ARHGAP24: variants seen among roughly 807,000 people sequenced by gnomAD.
ARHGAP24 encodes the protein Rho GTPase activating protein 24.
In ARHGAP24, 50 loss-of-function variants were observed where a neutral mutation model predicts 76.4. That is an observed-to-expected ratio of 0.65 (90% CI 0.52 to 0.83). The LOEUF (loss-of-function observed/expected upper bound fraction) is 0.83. Ranked by LOEUF, ARHGAP24 falls within the 40% of genes least tolerant of loss-of-function variation. ARHGAP24 has a pLI of 0.00. For missense variants in ARHGAP24, 930 were observed against 914.2 expected (o/e 1.02, Z -0.22); for synonymous variants, 345 against 323.3 (o/e 1.07, Z -0.72).
intron 1 of ARHGAP24, among the ~76,000 whole-genome samples, chr4:85,500,049 A>T (rs1000331451): frequency 3.3e-5 from 5 of 152,208 alleles, no homozygotes; most frequent in African/African-American, 1.2e-4. Flanking sequence ...TGTAAAATAC[A>T]CACTAGATTT....
At chr4:85,733,284 C>T (rs1385514960) in intron 3 of ARHGAP24, among the ~76,000 whole-genome samples, 4 of 147,146 alleles carry the variant, frequency 2.7e-5, no homozygotes, top group Admixed American at 6.8e-5. Context: ...AGGATGGTCT[C>T]GATCTCCTGA....
chr4:85,596,102 T>C (rs1435238422), intron 2 of ARHGAP24, among the ~76,000 whole-genome samples: 1 of 151,804 alleles, frequency 6.6e-6, no homozygotes, highest in Non-Finnish European at 1.5e-5. Context: ...TCTAGTATTG[T>C]TACTGGTAAC....
chr4:85,481,632 C>T (rs748455118), intron 1 of ARHGAP24, among the ~76,000 whole-genome samples: 1 of 152,206 alleles, frequency 6.6e-6, no homozygotes, highest in South Asian at 2.1e-4. Context: ...GAGAAGTGAA[C>T]AGGAAAGGTG....
chr4:85,923,968 C>T lies in ARHGAP24; in HGVS notation c.391+198C>T, dbSNP rs191397268. Among the ~76,000 whole-genome samples the T allele has an allele frequency of 5.9e-5, 9 of 151,948 alleles. No homozygotes were observed. In the South Asian group the frequency reaches 1.5e-3, roughly 25 times the overall value. On this transcript the variant is annotated intron_variant, in intron 4 of 9. Transcript: ENST00000395184. Reference sequence around the variant, plus strand: ...TAATTTAGATCATGTATAATTATAACGAACCTTCTTCTGTGAATATGTTGA... The same window carrying T: ...TAATTTAGATCATGTATAATTATAATGAACCTTCTTCTGTGAATATGTTGA...
intron 3 of ARHGAP24, among the ~76,000 whole-genome samples, chr4:85,873,733 G>C (rs1196080183): frequency 6.6e-6 from 1 of 152,116 alleles, no homozygotes; most frequent in Non-Finnish European, 1.5e-5. Flanking sequence ...TTATGTTTCT[G>C]TTATGTGACC....
chr4:85,783,267 G>GA (rs140844933), intron 3 of ARHGAP24, among the ~76,000 whole-genome samples: 1 of 151,816 alleles, frequency 6.6e-6, no homozygotes, highest in Non-Finnish European at 1.5e-5. Flanking sequence ...AGAACACTTT[G>GA]AAAAAAAATT....
intron 3 of ARHGAP24, among the ~76,000 whole-genome samples, chr4:85,900,923 T>TA: frequency 6.6e-6 from 1 of 152,202 alleles, no homozygotes; most frequent in African/African-American, 2.4e-5. Context: ...GATAAACTGA[T>TA]ATAACGTCAT....
chr4:85,606,193 G>T (rs1246351726), intron 2 of ARHGAP24, among the ~76,000 whole-genome samples: 1 of 152,140 alleles, frequency 6.6e-6, no homozygotes, highest in Non-Finnish European at 1.5e-5. Context: ...CCTCAAAGGG[G>T]CATTTAGGAT....
intron 5 of ARHGAP24, among the ~76,000 whole-genome samples, chr4:85,965,380 A>G (rs567214119): frequency 6.6e-6 from 1 of 152,140 alleles, no homozygotes; most frequent in Non-Finnish European, 1.5e-5. Flanking sequence ...AACACGTGGG[A>G]ATTATGAGAG....
At chr4:85,506,641 A>G (rs1166247938) in intron 1 of ARHGAP24, among the ~76,000 whole-genome samples, 2 of 149,232 alleles carry the variant, frequency 1.3e-5, no homozygotes, top group Admixed American at 6.6e-5. Flanking sequence ...TTTTCCAGGT[A>G]CAATCTGTCA....
intron 1 of ARHGAP24, among the ~76,000 whole-genome samples, chr4:85,487,321 ATATT>A (rs958439190): frequency 2.5e-5 from 3 of 119,850 alleles, no homozygotes; most frequent in Non-Finnish European, 4.8e-5. Context: ...TATAAAATAT[ATATT>A]TATTATAAAT....
At chr4:85,813,788 C>A (rs1223523684) in intron 3 of ARHGAP24, among the ~76,000 whole-genome samples, 1 of 139,530 alleles carries the variant, frequency 7.2e-6, no homozygotes, top group African/African-American at 2.7e-5. Flanking sequence ...TATCCATCAA[C>A]TTAGTTATAT....
chr4:85,520,494 G>A (rs1724696400), intron 1 of ARHGAP24, among the ~76,000 whole-genome samples: 1 of 152,134 alleles, frequency 6.6e-6, no homozygotes, highest in African/African-American at 2.4e-5. Context: ...AATGCCTAAT[G>A]TAGTGCCAAT....
intron 4 of ARHGAP24, among the ~76,000 whole-genome samples, chr4:85,934,850 C>T (rs900822233): frequency 1.3e-5 from 2 of 152,210 alleles, no homozygotes; most frequent in Admixed American, 6.5e-5. Context: ...TGATTCTTGG[C>T]CACTGTATCC....
chr4:85,968,872 C>A (rs1038646037), intron 5 of ARHGAP24, among the ~76,000 whole-genome samples: 1 of 152,012 alleles, frequency 6.6e-6, no homozygotes, highest in Non-Finnish European at 1.5e-5. Context: ...AAGTTAATAA[C>A]CTTTGTTAAT....
intron 8 of ARHGAP24, among the ~76,000 whole-genome samples, chr4:85,980,762 C>T (rs904949884): frequency 1.1e-4 from 17 of 152,132 alleles, no homozygotes. Flanking sequence ...CCCAGAGATG[C>T]ATTCAGGAGG....
At chr4:85,687,749 G>C (rs1253669004) in intron 2 of ARHGAP24, among the ~76,000 whole-genome samples, 1 of 151,666 alleles carries the variant, frequency 6.6e-6, no homozygotes, top group African/African-American at 2.4e-5. Context: ...TTTTTCAGTA[G>C]AATTATTTCT....
chr4:85,823,952 T>C (rs1033317921), intron 3 of ARHGAP24, among the ~76,000 whole-genome samples: 4 of 148,742 alleles, frequency 2.7e-5, no homozygotes, highest in Non-Finnish European at 4.5e-5. Context: ...AAGTAAGACA[T>C]TGGTTCTTTA....
At chr4:85,905,397 A>T (rs1287171752) in intron 3 of ARHGAP24, among the ~76,000 whole-genome samples, 2 of 151,922 alleles carry the variant, frequency 1.3e-5, no homozygotes, top group East Asian at 3.9e-4. Context: ...TTTTTTTGGC[A>T]TGAAAAAAAT....
Sources: gnomAD v4.1 joint callset for allele counts (sites outside exome capture counted in the v4.1 genomes callset) on GRCh38, gnomAD v4.1.1 for gene constraint, MANE v1.5 for transcripts, NCBI Gene and HGNC (gene_info 2026-07-23, HGNC 2026-07-21) for gene names.